Variants in CNTNAP4 observed in about 807,000 individuals in gnomAD.
CNTNAP4 encodes the protein contactin associated protein family member 4.
A neutral mutation model predicts 148.4 loss-of-function variants in CNTNAP4; 98 were observed. The observed-to-expected ratio is 0.66, with a 90% CI of 0.56 to 0.78. The LOEUF is 0.78. CNTNAP4 is among the 30% of genes least tolerant of loss of function. CNTNAP4 has a pLI of 0.00. For synonymous variants in CNTNAP4, 730 were observed against 565.1 expected, an observed-to-expected ratio of 1.29 and a Z score of -4.14; for missense variants, 1,935 against 1,565.6, an observed-to-expected ratio of 1.24 and a Z score of -3.98.
intron 17 of CNTNAP4, among the ~76,000 whole-genome samples, chr16:76,525,788 CTAGT>C (rs1160633281): frequency 5.5e-5 from 8 of 145,396 alleles, no homozygotes; most frequent in Admixed American, 3.5e-4. Context: ...TATAGTTAAA[CTAGT>C]TAAACTAGTT....
intron 17 of CNTNAP4, among the ~76,000 whole-genome samples, chr16:76,523,876 A>G (rs2083595878): frequency 6.6e-6 from 1 of 152,130 alleles, no homozygotes; most frequent in South Asian, 2.1e-4. Flanking sequence ...GCTGTGGTGA[A>G]CTATGATCAC....
chr16:76,543,422 T>A (rs776643566), intron 21 of CNTNAP4, among the ~76,000 whole-genome samples: 4 of 152,214 alleles, frequency 2.6e-5, no homozygotes, highest in Non-Finnish European at 5.9e-5. Context: ...TCACTTACTG[T>A]GTTAGTCCAG....
intron 21 of CNTNAP4, among the ~76,000 whole-genome samples, chr16:76,542,844 TATGTCAAG>T (rs2084523652): frequency 2.0e-5 from 3 of 152,212 alleles, no homozygotes; most frequent in South Asian, 4.1e-4. Flanking sequence ...AAGCTGATAC[TATGTCAAG>T]ATGTCAAGAA....
intron 3 of CNTNAP4, among the ~76,000 whole-genome samples, chr16:76,399,206 G>A (rs1228933662): frequency 2.6e-5 from 4 of 152,118 alleles, no homozygotes; most frequent in African/African-American, 7.2e-5. Flanking sequence ...TCTATTAGCA[G>A]CATGAAAATA....
chr16:76,411,885 G>T (rs2078809982), intron 3 of CNTNAP4, among the ~76,000 whole-genome samples: 1 of 151,368 alleles, frequency 6.6e-6, no homozygotes, highest in South Asian at 2.1e-4. Flanking sequence ...CTATCAAAAA[G>T]TGAAAATGCT....
rs918190243 is a variant in CNTNAP4, at chr16:76,338,817, G to GA, written c.197-16493dup. 2.7e-4 allele frequency among the ~76,000 whole-genome samples: 41 copies of GA among 152,008 alleles called. 1 individual carries two copies. The highest frequency in any genetic ancestry group is 4.1e-4 in the Non-Finnish European group (28 of 67,942). On this transcript the variant is annotated intron_variant, in intron 2 of 23. Coordinates refer to ENST00000611870, the MANE Select transcript of CNTNAP4 (RefSeq NM_033401.5). ...TCAGTCTCTTCATGTTTAAGGTGGG[G>GA]AAAAAAAATTTCCATTGTGTAAGAT...
intron 1 of CNTNAP4, among the ~76,000 whole-genome samples, chr16:76,283,436 A>T (rs1053253381): frequency 4.6e-5 from 7 of 152,030 alleles, no homozygotes; most frequent in Non-Finnish European, 1.0e-4. Flanking sequence ...TAGACTGGAT[A>T]AAGAAAACTG....
intron 3 of CNTNAP4, among the ~76,000 whole-genome samples, chr16:76,364,676 G>T (rs527958355): frequency 1.3e-5 from 2 of 152,194 alleles, no homozygotes; most frequent in Admixed American, 6.5e-5. Context: ...CTGTTCCTTT[G>T]AAGTGTTTCT....
At chr16:76,385,234 T>C (rs890010854) in intron 3 of CNTNAP4, among the ~76,000 whole-genome samples, 10 of 152,236 alleles carry the variant, frequency 6.6e-5, no homozygotes, top group Admixed American at 2.0e-4. Flanking sequence ...CAGCTGATTC[T>C]CACTTTCCCT....
chr16:76,423,290 C>T (rs1036386683), intron 3 of CNTNAP4, among the ~76,000 whole-genome samples: 3 of 151,956 alleles, frequency 2.0e-5, no homozygotes. Context: ...TATACACAAA[C>T]CAGAGGAGTA....
At chr16:76,397,444 G>T (rs2144808996) in intron 3 of CNTNAP4, among the ~76,000 whole-genome samples, 1 of 152,038 alleles carries the variant, frequency 6.6e-6, no homozygotes, top group South Asian at 2.1e-4. Flanking sequence ...CCTTTTCAAG[G>T]AGTTAGAGGG....
rs138610200 is a variant in CNTNAP4, at chr16:76,303,957, G to T, written c.86-12456G>T. 1.4e-4 allele frequency among the ~76,000 whole-genome samples: 21 copies of T among 152,050 alleles called. 2 individuals carry two copies. The highest frequency in any genetic ancestry group is 4.8e-4 in the African/African-American group (20 of 41,482). Reference sequence around the variant, plus strand: ...TGAGGAATAATTCTTATAAGATTTTGTAAGACATATCTACAAAACTTTTAT... The same window carrying T: ...TGAGGAATAATTCTTATAAGATTTTTTAAGACATATCTACAAAACTTTTAT... On this transcript the variant is annotated intron_variant, in intron 1 of 23. Transcript: ENST00000611870.
At chr16:76,533,528 C>G (rs1438094291) in intron 17 of CNTNAP4, among the ~76,000 whole-genome samples, 1 of 152,100 alleles carries the variant, frequency 6.6e-6, no homozygotes, top group Non-Finnish European at 1.5e-5. Flanking sequence ...GATGGTGATG[C>G]TAACTACTCT....
chr16:76,500,428 C>T (rs2082587453), intron 15 of CNTNAP4, among the ~76,000 whole-genome samples: 1 of 152,220 alleles, frequency 6.6e-6, no homozygotes, highest in African/African-American at 2.4e-5. Flanking sequence ...TTCATGAGTA[C>T]ATTCCAGCAT....
chr16:76,455,701 G>T (rs940219015), intron 8 of CNTNAP4, among the ~76,000 whole-genome samples: 1 of 152,230 alleles, frequency 6.6e-6, no homozygotes, highest in African/African-American at 2.4e-5. Context: ...GCTGAAATAC[G>T]CTTGGAAAGA....
At chr16:76,361,883 T>TA (rs1233736490) in intron 3 of CNTNAP4, among the ~76,000 whole-genome samples, 1 of 152,208 alleles carries the variant, frequency 6.6e-6, no homozygotes, top group East Asian at 1.9e-4. Context: ...TGTGAGGTGA[T>TA]ATCTCACTGT....
chr16:76,507,648 A>G (rs141429848), intron 15 of CNTNAP4, among the ~76,000 whole-genome samples: 4,520 of 97,906 alleles, frequency 0.046, 1,791 homozygotes, highest in Middle Eastern at 0.12. Context: ...AAGGTTGGGT[A>G]TGAAGTGGAC....
intron 15 of CNTNAP4, among the ~76,000 whole-genome samples, chr16:76,501,338 C>G (rs565054749): frequency 3.0e-4 from 46 of 152,284 alleles, no homozygotes; most frequent in African/African-American, 1.0e-3. Flanking sequence ...CTGATCTTAA[C>G]CCTGCAGGGA....
At chr16:76,549,398 C>T (rs2084869284) in intron 21 of CNTNAP4, among the ~76,000 whole-genome samples, 1 of 152,028 alleles carries the variant, frequency 6.6e-6, no homozygotes, top group African/African-American at 2.4e-5. Flanking sequence ...ACCCAGATCA[C>T]CACACTGTCT....
Sources: gnomAD v4.1 joint callset for allele counts (sites outside exome capture counted in the v4.1 genomes callset) on GRCh38, gnomAD v4.1.1 for gene constraint, MANE v1.5 for transcripts, NCBI Gene and HGNC (gene_info 2026-07-23, HGNC 2026-07-21) for gene names.